Variants in GALNTL6 observed in about 807,000 individuals in gnomAD.
The protein encoded by GALNTL6 is polypeptide N-acetylgalactosaminyltransferase like 6, also known as polypeptide N-acetylgalactosaminyltransferase-like 6.
GALNTL6 carries 46 observed loss-of-function variants against 73.7 expected under a neutral mutation model. The observed-to-expected ratio is 0.62, with a 90% CI of 0.49 to 0.80. The LOEUF (loss-of-function observed/expected upper bound fraction) is 0.80. Among genes scored for constraint, GALNTL6 ranks in the 30% least tolerant of loss-of-function variants. The pLI is 0.00. For missense variants in GALNTL6, 604 were observed against 755.0 expected (o/e 0.80, Z 2.34); for synonymous variants, 259 against 263.7 (o/e 0.98, Z 0.17).
chr4:172,935,823 C>T (rs374966563), intron 9 of GALNTL6, among the ~76,000 whole-genome samples: 5 of 152,254 alleles, frequency 3.3e-5, no homozygotes, highest in East Asian at 1.9e-4. Context: ...CAGGACCAGA[C>T]GGATTCACAG....
intron 5 of GALNTL6, among the ~76,000 whole-genome samples, chr4:172,790,931 C>T (rs1739962239): frequency 1.3e-5 from 2 of 150,922 alleles, no homozygotes; most frequent in Non-Finnish European, 2.9e-5. Context: ...TCAGTTCTTC[C>T]ACCCGGTCTT....
chr4:172,511,800 A>T lies in GALNTL6; in HGVS notation c.553+163111A>T, dbSNP rs539038539. ...ATTTTATTCCACTGTGGTCTGAGAG[A>T]GTACTTGATATAATTTTGGCTCTCT... On this transcript the variant is annotated intron_variant, in intron 5 of 12. Transcript: ENST00000506823. Among the ~76,000 whole-genome samples the T allele has an allele frequency of 1.1e-4, 6 of 54,958 alleles. 2 individuals carry two copies. Among genetic ancestry groups the T allele is most frequent in the African/African-American group, 2.7e-4 (6 of 22,160 alleles). The allele number at this position is 54,958 out of a possible 152,430, so 36.1% of individuals were successfully genotyped here.
intron 7 of GALNTL6, among the ~76,000 whole-genome samples, chr4:172,856,779 CT>C (rs1744144252): frequency 6.6e-6 from 1 of 152,122 alleles, no homozygotes; most frequent in Admixed American, 6.6e-5. Context: ...TTTGTCAAGC[CT>C]ATTTTTAAGA....
At chr4:172,681,824 A>G (rs1732647115) in intron 5 of GALNTL6, among the ~76,000 whole-genome samples, 1 of 152,224 alleles carries the variant, frequency 6.6e-6, no homozygotes, top group Non-Finnish European at 1.5e-5. Flanking sequence ...GAATAACTCC[A>G]GAGCACCAGA....
intron 5 of GALNTL6, among the ~76,000 whole-genome samples, chr4:172,382,537 T>C (rs28575704): frequency 0.24 from 35,854 of 151,824 alleles, 4,715 homozygotes; most frequent in East Asian, 0.36. Flanking sequence ...AGCATATTCT[T>C]CTATTGTGTG....
At chr4:172,606,419 A>C (rs1032938227) in intron 5 of GALNTL6, among the ~76,000 whole-genome samples, 41 of 148,922 alleles carry the variant, frequency 2.8e-4, no homozygotes, top group African/African-American at 9.8e-4. Context: ...GCGCCATTGC[A>C]TTCCAGCGTG....
chr4:171,913,173 T>C (rs1657786977), intron 2 of GALNTL6, among the ~76,000 whole-genome samples: 1 of 152,188 alleles, frequency 6.6e-6, no homozygotes, highest in Admixed American at 6.5e-5. Flanking sequence ...AAAGTAGCTG[T>C]TGGGGAACCA....
chr4:172,371,261 G>GTCTGGTCGGAACTTCC (rs1161177167), intron 5 of GALNTL6, among the ~76,000 whole-genome samples: 1 of 152,190 alleles, frequency 6.6e-6, no homozygotes, highest in Admixed American at 6.5e-5. Context: ...TTCCTCCTAT[G>GTCTGGTCGGAACTTCC]TCTGGTCGGA....
At chr4:172,320,597 G>A (rs1276839225) in intron 4 of GALNTL6, among the ~76,000 whole-genome samples, 2 of 152,104 alleles carry the variant, frequency 1.3e-5, no homozygotes, top group African/African-American at 2.4e-5. Flanking sequence ...AAAAGAATGA[G>A]AAACTTGGGA....
intron 10 of GALNTL6, among the ~76,000 whole-genome samples, chr4:172,957,875 T>C (rs764410900): frequency 6.6e-6 from 1 of 152,166 alleles, no homozygotes; most frequent in Non-Finnish European, 1.5e-5. Context: ...CTGCCTTTGC[T>C]GGTGAGTGGT....
intron 3 of GALNTL6, among the ~76,000 whole-genome samples, chr4:172,264,497 T>C (rs1321355193): frequency 6.9e-6 from 1 of 144,106 alleles, no homozygotes; most frequent in African/African-American, 2.5e-5. Flanking sequence ...TTTATACTTA[T>C]ATTTATATAT....
chr4:172,096,373 G>A lies in GALNTL6; in HGVS notation c.139-133283G>A, dbSNP rs1174358024. Among the ~76,000 whole-genome samples the A allele has an allele frequency of 2.0e-5, 3 of 152,222 alleles. No homozygotes were observed. The East Asian group carries it at 5.8e-4, about 29-fold the overall frequency. ...GCTTTCCAAAGTGTTGGGATTATAG[G>A]CATGAGCCACTGCCGGGCTTGGCCT... On this transcript the variant is annotated intron_variant, in intron 2 of 12. Transcript: ENST00000506823.
intron 2 of GALNTL6, among the ~76,000 whole-genome samples, chr4:171,954,173 A>G (rs1738976236): frequency 1.3e-5 from 2 of 152,194 alleles, no homozygotes; most frequent in Non-Finnish European, 2.9e-5. Context: ...GTCATTTTGT[A>G]TTCTATCAAT....
intron 2 of GALNTL6, among the ~76,000 whole-genome samples, chr4:171,860,428 T>A (rs550581855): frequency 6.6e-6 from 1 of 152,282 alleles, no homozygotes; most frequent in East Asian, 1.9e-4. Flanking sequence ...ATGAATGCAA[T>A]ATATATTGTC....
chr4:171,987,731 A>AT (rs1366778567), intron 2 of GALNTL6, among the ~76,000 whole-genome samples: 1 of 152,198 alleles, frequency 6.6e-6, no homozygotes, highest in Non-Finnish European at 1.5e-5. Flanking sequence ...GTGCTATAGC[A>AT]TAGCCTGCCT....
intron 2 of GALNTL6, among the ~76,000 whole-genome samples, chr4:171,954,979 G>T (rs1739000373): frequency 6.6e-6 from 1 of 152,150 alleles, no homozygotes; most frequent in Admixed American, 6.5e-5. Context: ...GCTGAACTGT[G>T]AGCCAGTTAA....
At chr4:172,483,167 G>A (rs1474366679) in intron 5 of GALNTL6, among the ~76,000 whole-genome samples, 1 of 152,070 alleles carries the variant, frequency 6.6e-6, no homozygotes, top group East Asian at 1.9e-4. Context: ...GGGGATTTGT[G>A]GGTTTTTTGG....
chr4:172,500,256 A>G (rs1363263548), intron 5 of GALNTL6, among the ~76,000 whole-genome samples: 1 of 152,124 alleles, frequency 6.6e-6, no homozygotes, highest in East Asian at 1.9e-4. Context: ...CCTTGTATCT[A>G]TGAAAAATAG....
chr4:172,096,108 G>GTGTGTA (rs1732348129), intron 2 of GALNTL6, among the ~76,000 whole-genome samples: 1 of 151,072 alleles, frequency 6.6e-6, no homozygotes, highest in Non-Finnish European at 1.5e-5. Flanking sequence ...GTGTGTGTGT[G>GTGTGTA]TATGTGTGTT....
Sources: gnomAD v4.1 joint callset for allele counts (sites outside exome capture counted in the v4.1 genomes callset) on GRCh38, gnomAD v4.1.1 for gene constraint, MANE v1.5 for transcripts, NCBI Gene and HGNC (gene_info 2026-07-23, HGNC 2026-07-21) for gene names.